Variants in KAZN observed in about 807,000 individuals in gnomAD.
KAZN encodes kazrin, periplakin interacting protein.
Under a neutral mutation model 87.4 loss-of-function variants are expected in KAZN, and 40 were observed. The ratio of observed to expected loss-of-function variants is 0.46; its 90% CI spans 0.36 to 0.60. The LOEUF is 0.60. KAZN is among the 20% of genes least tolerant of loss of function. The probability of loss-of-function intolerance (pLI) is 0.00; values close to 1 mark genes in which losing one functional copy is unlikely to be tolerated. For synonymous variants in KAZN, 466 were observed against 458.3 expected (o/e 1.02, Z -0.22); for missense variants, 898 against 1,073.9 (o/e 0.84, Z 2.29).
At chr1:14,944,838 A>G (rs1661548501) in intron 1 of KAZN, among the ~76,000 whole-genome samples, 1 of 152,258 alleles carries the variant, frequency 6.6e-6, no homozygotes, top group African/African-American at 2.4e-5. Context: ...ATCAGCCCGC[A>G]GCAAGGCCTT....
chr1:15,044,430 C>G (rs1183421911), intron 4 of KAZN, among the ~76,000 whole-genome samples: 3 of 152,186 alleles, frequency 2.0e-5, no homozygotes, highest in African/African-American at 7.2e-5. Flanking sequence ...AAACCACTCA[C>G]TCCTCCACAC....
At chr1:14,416,370 G>GT (rs1664760252) in intron 2 of KAZN, among the ~76,000 whole-genome samples, 1 of 152,172 alleles carries the variant, frequency 6.6e-6, no homozygotes, top group African/African-American at 2.4e-5. Context: ...ACAGAATCAA[G>GT]TAACAGTTGG....
chr1:14,065,293 T>C (rs1408616934), intron 1 of KAZN, among the ~76,000 whole-genome samples: 2 of 152,174 alleles, frequency 1.3e-5, no homozygotes, highest in East Asian at 3.9e-4. Flanking sequence ...TGGGGTGAAT[T>C]TTGCTGGCAT....
At chr1:13,931,455 T>TGTGTGTGTGTGTGCATGC (rs1640507731) in intron 1 of KAZN, among the ~76,000 whole-genome samples, 1 of 146,648 alleles carries the variant, frequency 6.8e-6, no homozygotes, top group Non-Finnish European at 1.5e-5. Context: ...GGGGTGTGTG[T>TGTGTGTGTGTGTGCATGC]GTGTGTGTGT....
intron 2 of KAZN, among the ~76,000 whole-genome samples, chr1:14,182,781 A>G (rs577987): frequency 0.14 from 21,204 of 152,212 alleles, 2,242 homozygotes; most frequent in African/African-American, 0.29. Context: ...TCTCAATTCC[A>G]AAGACAAATG....
intron 1 of KAZN, among the ~76,000 whole-genome samples, chr1:14,120,243 G>A (rs1557491080): frequency 6.6e-6 from 1 of 151,994 alleles, no homozygotes; most frequent in Admixed American, 6.6e-5. Context: ...AAAGAGGAAC[G>A]GCATCTCACA....
chr1:14,469,973 T>C (rs1016615426), intron 2 of KAZN, among the ~76,000 whole-genome samples: 1 of 152,156 alleles, frequency 6.6e-6, no homozygotes, highest in Non-Finnish European at 1.5e-5. Context: ...AAATGGATGG[T>C]GTTGCATTGA....
At chr1:14,852,869 G>T (rs1271793647) in intron 1 of KAZN, among the ~76,000 whole-genome samples, 3 of 152,162 alleles carry the variant, frequency 2.0e-5, no homozygotes, top group Non-Finnish European at 4.4e-5. Context: ...GGAGCTTGTT[G>T]GAAATGCACA....
At chr1:14,105,317 G>T (rs1338294943) in intron 1 of KAZN, among the ~76,000 whole-genome samples, 1 of 152,198 alleles carries the variant, frequency 6.6e-6, no homozygotes, top group Non-Finnish European at 1.5e-5. Context: ...AGCTGGGAAG[G>T]CTTCCACTTG....
chr1:14,302,135 G>A (rs1216229284), intron 2 of KAZN, among the ~76,000 whole-genome samples: 2 of 152,130 alleles, frequency 1.3e-5, no homozygotes, highest in African/African-American at 4.8e-5. Flanking sequence ...AATTTTTATT[G>A]ATAATATCTT....
intron 1 of KAZN, among the ~76,000 whole-genome samples, chr1:14,085,304 A>G (rs1206416865): frequency 1.3e-5 from 2 of 152,096 alleles, no homozygotes; most frequent in African/African-American, 2.4e-5. Context: ...AAATTAATCA[A>G]TTTCAGTGTA....
chr1:14,049,117 A>G (rs570785949), intron 1 of KAZN, among the ~76,000 whole-genome samples: 1 of 152,164 alleles, frequency 6.6e-6, no homozygotes, highest in Non-Finnish European at 1.5e-5. Flanking sequence ...CATATACAAC[A>G]TGGAATACTA....
At chr1:15,108,531 G>A (rs967904150) in intron 13 of KAZN, among the ~76,000 whole-genome samples, 4 of 152,226 alleles carry the variant, frequency 2.6e-5, no homozygotes, top group African/African-American at 9.6e-5. Flanking sequence ...CTGAGCCACC[G>A]TGGTGAGGAG....
intron 1 of KAZN, among the ~76,000 whole-genome samples, chr1:14,091,182 T>A (rs1337248799): frequency 2.6e-5 from 4 of 151,758 alleles, no homozygotes; most frequent in Non-Finnish European, 4.4e-5. Flanking sequence ...TCCCTCCTCT[T>A]GGTATATTGC....
At chr1:14,336,965 AT>A (rs1460506651) in intron 2 of KAZN, among the ~76,000 whole-genome samples, 3 of 152,142 alleles carry the variant, frequency 2.0e-5, no homozygotes, top group African/African-American at 7.2e-5. Context: ...AATTTATTCA[AT>A]TTTTTGTTGC....
At chr1:14,092,112 A>T (rs1235199173) in intron 1 of KAZN, among the ~76,000 whole-genome samples, 38 of 103,132 alleles carry the variant, frequency 3.7e-4, no homozygotes, top group Admixed American at 2.5e-3. Flanking sequence ...TTTTTTTTTG[A>T]GACAGTCTTG....
At chr1:14,514,593 TTTTATATATATATATA>T (rs1161689808) in intron 2 of KAZN, among the ~76,000 whole-genome samples, 9 of 28,272 alleles carry the variant, frequency 3.2e-4, no homozygotes, top group African/African-American at 9.1e-4. Context: ...TTTTTTTATA[TTTTATATATATATATA>T]TATATATATA....
intron 1 of KAZN, among the ~76,000 whole-genome samples, chr1:14,936,394 C>T (rs987398999): frequency 5.9e-5 from 9 of 152,258 alleles, no homozygotes; most frequent in African/African-American, 9.6e-5. Flanking sequence ...GTACCTGGGG[C>T]GACCAAATTG....
chr1:14,526,232 A>C (rs1671857555), intron 2 of KAZN, among the ~76,000 whole-genome samples: 1 of 152,180 alleles, frequency 6.6e-6, no homozygotes, highest in Non-Finnish European at 1.5e-5. Flanking sequence ...TTAATTTTAC[A>C]CATTTTTGCC....
Sources: gnomAD v4.1 joint callset for allele counts (sites outside exome capture counted in the v4.1 genomes callset) on GRCh38, gnomAD v4.1.1 for gene constraint, MANE v1.5 for transcripts, NCBI Gene and HGNC (gene_info 2026-07-23, HGNC 2026-07-21) for gene names.